TMEM108: variants seen among roughly 807,000 people sequenced by gnomAD.
TMEM108 encodes the protein transmembrane protein 108, also known as cancer/testis antigen 124.
Under a neutral mutation model 35.1 loss-of-function variants are expected in TMEM108, and 12 were observed. That is an observed-to-expected ratio of 0.34 (90% CI 0.22 to 0.55). The LOEUF (loss-of-function observed/expected upper bound fraction) is 0.55, where lower values mean the gene tolerates loss of function less well. Ranked by LOEUF, TMEM108 falls within the 20% of genes least tolerant of loss-of-function variation. TMEM108 has a pLI of 0.89. For missense variants in TMEM108, 680 were observed against 753.3 expected, an observed-to-expected ratio of 0.90 and a Z score of 1.14; for synonymous variants, 287 against 308.6, an observed-to-expected ratio of 0.93 and a Z score of 0.73.
At chr3:133,389,254 G>A in intron 4 of TMEM108, 1 of 985,448 alleles carries the variant, frequency 1.0e-6, no homozygotes, top group Non-Finnish European at 1.2e-6. Flanking sequence ...TTCCTCCTGG[G>A]CCCTGGGAGT....
At chr3:133,115,735 G>T (rs1944280378) in intron 2 of TMEM108, among the ~76,000 whole-genome samples, 2 of 152,228 alleles carry the variant, frequency 1.3e-5, no homozygotes, top group African/African-American at 4.8e-5. Flanking sequence ...TTAGAAGATA[G>T]GGGGAGGAAG....
intron 2 of TMEM108, among the ~76,000 whole-genome samples, chr3:133,052,469 C>CTTTTA (rs1463935678): frequency 6.8e-6 from 1 of 147,412 alleles, no homozygotes; most frequent in Non-Finnish European, 1.5e-5. Context: ...ATCTGTATTC[C>CTTTTA]TTTTATTTTA....
intron 3 of TMEM108, among the ~76,000 whole-genome samples, chr3:133,354,502 A>G (rs1190909196): frequency 6.6e-6 from 1 of 152,244 alleles, no homozygotes; most frequent in Non-Finnish European, 1.5e-5. Flanking sequence ...TGTACAGAAC[A>G]GAAGTATTGG....
At chr3:133,197,132 C>T (rs1328677415) in intron 2 of TMEM108, among the ~76,000 whole-genome samples, 4 of 152,148 alleles carry the variant, frequency 2.6e-5, no homozygotes, top group African/African-American at 7.2e-5. Flanking sequence ...AATGATATAA[C>T]ATAGACTACT....
chr3:133,241,468 A>G (rs1946311588), intron 3 of TMEM108, among the ~76,000 whole-genome samples: 1 of 152,232 alleles, frequency 6.6e-6, no homozygotes, highest in Non-Finnish European at 1.5e-5. Flanking sequence ...CTCCTTGAAG[A>G]TAAATCATTT....
At chr3:133,257,555 T>C (rs895412920) in intron 3 of TMEM108, among the ~76,000 whole-genome samples, 6 of 152,222 alleles carry the variant, frequency 3.9e-5, no homozygotes, top group Non-Finnish European at 7.3e-5. Flanking sequence ...AGTATTGTGT[T>C]TCTCCCTCTA....
At chr3:133,315,841 A>G (rs910027074) in intron 3 of TMEM108, among the ~76,000 whole-genome samples, 3 of 152,238 alleles carry the variant, frequency 2.0e-5, no homozygotes, top group Admixed American at 6.5e-5. Flanking sequence ...TTTATATTAT[A>G]GATTAACATT....
intron 2 of TMEM108, among the ~76,000 whole-genome samples, chr3:133,194,574 G>GT (rs1945549541): frequency 6.6e-6 from 1 of 150,552 alleles, no homozygotes; most frequent in Non-Finnish European, 1.5e-5. Context: ...GAAATTCCAT[G>GT]GTTTTTTTTT....
intron 2 of TMEM108, among the ~76,000 whole-genome samples, chr3:133,157,087 A>G (rs1944892582): frequency 6.6e-6 from 1 of 152,192 alleles, no homozygotes; most frequent in African/African-American, 2.4e-5. Context: ...ATCATTCTTA[A>G]TATTACTTGA....
intron 2 of TMEM108, among the ~76,000 whole-genome samples, chr3:133,171,026 A>C (rs145649640): frequency 1.1e-4 from 16 of 152,282 alleles, no homozygotes; most frequent in African/African-American, 3.6e-4. Flanking sequence ...TCATGAGTAG[A>C]TATTTTTTCA....
intron 3 of TMEM108, among the ~76,000 whole-genome samples, chr3:133,316,272 G>A (rs2071197682): frequency 6.6e-6 from 1 of 152,170 alleles, no homozygotes; most frequent in African/African-American, 2.4e-5. Flanking sequence ...TGAGACTATG[G>A]GCACTCAGTT....
At chr3:133,311,968 C>A (rs1200919721) in intron 3 of TMEM108, among the ~76,000 whole-genome samples, 2 of 152,270 alleles carry the variant, frequency 1.3e-5, no homozygotes, top group African/African-American at 4.8e-5. Flanking sequence ...ACAGTCAGGT[C>A]TCTCAGCTGC....
intron 3 of TMEM108, among the ~76,000 whole-genome samples, chr3:133,240,013 G>C (rs1196263343): frequency 1.3e-5 from 2 of 152,186 alleles, no homozygotes; most frequent in East Asian, 3.8e-4. Context: ...GGGCTGGCTA[G>C]GGTTATAAAG....
chr3:133,082,657 T>A (rs1943827490), intron 2 of TMEM108, among the ~76,000 whole-genome samples: 1 of 152,054 alleles, frequency 6.6e-6, no homozygotes, highest in Non-Finnish European at 1.5e-5. Context: ...TTTATTATTA[T>A]TATTGTTGTT....
At position 133,250,435 on chromosome 3, in the gene TMEM108, A is replaced by G. The variant is rs111364108; in HGVS notation, c.40+21084A>G. On this transcript the variant is annotated intron_variant, in intron 3 of 5. Transcript: ENST00000321871. ...GCTTACTTTATTGTAAGAATACAGT[A>G]TATATAACATACAAAATATGTGCTA... is the stretch of plus-strand genomic sequence containing the variant. 2.3e-3 allele frequency among the ~76,000 whole-genome samples: 343 copies of G among 152,374 alleles called. 2 individuals are homozygous for G. Among genetic ancestry groups the G allele is most frequent in the African/African-American group, 7.7e-3 (322 of 41,596 alleles).
intron 3 of TMEM108, among the ~76,000 whole-genome samples, chr3:133,270,785 C>T (rs189632019): frequency 1.5e-5 from 2 of 136,792 alleles, no homozygotes; most frequent in African/African-American, 2.8e-5. Flanking sequence ...ACTGCCTGTT[C>T]GAAGAATGTA....
chr3:133,179,315 C>T (rs1945291866), intron 2 of TMEM108, among the ~76,000 whole-genome samples: 1 of 152,256 alleles, frequency 6.6e-6, no homozygotes, highest in East Asian at 1.9e-4. Flanking sequence ...GGTATATACC[C>T]AAAGGATTAT....
chr3:133,095,691 G>A (rs543895635), intron 2 of TMEM108, among the ~76,000 whole-genome samples: 1 of 152,172 alleles, frequency 6.6e-6, no homozygotes, highest in South Asian at 2.1e-4. Context: ...TCACAATAGG[G>A]TTTGTGCTTC....
chr3:133,242,494 C>T (rs560062831), intron 3 of TMEM108, among the ~76,000 whole-genome samples: 3 of 152,120 alleles, frequency 2.0e-5, no homozygotes, highest in Admixed American at 6.5e-5. Flanking sequence ...GTTTTAAAAA[C>T]CAATGTGTTG....
Sources: allele counts gnomAD v4.1 joint callset (sites outside exome capture counted in the v4.1 genomes callset), GRCh38; gene constraint gnomAD v4.1.1; transcripts MANE v1.5; gene names NCBI Gene and HGNC (gene_info 2026-07-23, HGNC 2026-07-21).